TBX15: variants seen among roughly 807,000 people sequenced by gnomAD.
TBX15 encodes the protein T-box transcription factor TBX15.
TBX15 carries 18 observed loss-of-function variants against 53.9 expected under a neutral mutation model. That is an observed-to-expected ratio of 0.33 (90% CI 0.23 to 0.49). TBX15 has a LOEUF of 0.49. Ranked by LOEUF, TBX15 falls within the 20% of genes least tolerant of loss-of-function variation. The pLI is 0.98. For missense variants in TBX15, 692 were observed against 749.5 expected (o/e 0.92, Z 0.90); for synonymous variants, 295 against 278.0 (o/e 1.06, Z -0.61).
At chr1:118,896,989 TAATTC>T (rs1178258110) in intron 7 of TBX15, among the ~76,000 whole-genome samples, 1 of 152,160 alleles carries the variant, frequency 6.6e-6, no homozygotes, top group Non-Finnish European at 1.5e-5. Context: ...ATGTATCCAA[TAATTC>T]AAGTTCTTTC....
At chr1:118,958,717 G>A (rs1656773066) in intron 1 of TBX15, among the ~76,000 whole-genome samples, 1 of 152,008 alleles carries the variant, frequency 6.6e-6, no homozygotes, top group African/African-American at 2.4e-5. Context: ...CATGGTTCCT[G>A]GGACTGCATT....
chr1:118,930,714 C>G (rs989617764), intron 2 of TBX15, among the ~76,000 whole-genome samples: 12 of 152,344 alleles, frequency 7.9e-5, no homozygotes, highest in African/African-American at 2.2e-4. Flanking sequence ...CCGTGCCCGG[C>G]CCAAATTTAA....
intron 5 of TBX15, among the ~76,000 whole-genome samples, chr1:118,917,748 C>G (rs1571172585): frequency 6.6e-6 from 1 of 152,150 alleles, no homozygotes; most frequent in African/African-American, 2.4e-5. Flanking sequence ...CCTGTACAAT[C>G]TCTTCTCTAT....
rs397976022 is a variant in TBX15 at position 118,889,802 on chromosome 1, T to TAA, written c.1025-4288_1025-4287dup. Among the ~76,000 whole-genome samples the TAA allele has an allele frequency of 9.3e-3, 1,374 of 148,200 alleles. 20 individuals are homozygous for TAA. The highest frequency in any genetic ancestry group is 0.031 in the African/African-American group (1,258 of 41,006). ...TGTATCTGGCACATAGGCATTAATT[T>TAA]AAAAAAAAAAAATTTAGTAGAGATA... On this transcript the variant is annotated intron_variant, in intron 7 of 7. Transcript: ENST00000369429.
At chr1:118,901,005 G>A (rs1654611207) in intron 6 of TBX15, among the ~76,000 whole-genome samples, 1 of 152,114 alleles carries the variant, frequency 6.6e-6, no homozygotes, top group Non-Finnish European at 1.5e-5. Context: ...ACAAAGAACA[G>A]TCCCTTCTCA....
rs188949059 is a variant in TBX15, at chr1:118,965,981, G to A, written c.205+21610C>T. ...AGAGTGGTTATCCTGGGATAAGCTCGGAAACTAGGGATGGGAGATTGCTCT... is the reference window on the plus strand; with the variant it reads ...AGAGTGGTTATCCTGGGATAAGCTCAGAAACTAGGGATGGGAGATTGCTCT... On this transcript the variant is annotated intron_variant, in intron 1 of 7. Coordinates refer to ENST00000369429, the MANE Select transcript of TBX15 (RefSeq NM_001330677.2). 3.5e-4 allele frequency among the ~76,000 whole-genome samples: 54 copies of A among 152,256 alleles called. 1 individual carries two copies. Among genetic ancestry groups the A allele is most frequent in the African/African-American group, 9.4e-4 (39 of 41,544 alleles).
intron 1 of TBX15, among the ~76,000 whole-genome samples, chr1:118,982,799 T>G (rs925536548): frequency 6.6e-6 from 1 of 152,226 alleles, no homozygotes; most frequent in African/African-American, 2.4e-5. Flanking sequence ...TTTAAGAAAT[T>G]TAATTCTCCC....
chr1:118,893,259 AAAGAAAGGAAGAAGGAAGGAAGGAAGG>A (rs1654216177), intron 7 of TBX15, among the ~76,000 whole-genome samples: 1 of 129,852 alleles, frequency 7.7e-6, no homozygotes, highest in Non-Finnish European at 1.6e-5. Flanking sequence ...AGAAAGGAAG[AAAGAAAGGAAGAAGGAAGGAAGGAAGG>A]AAGGAAGGAA....
chr1:118,987,262 G>C (rs1448577827), intron 1 of TBX15, among the ~76,000 whole-genome samples: 1 of 152,120 alleles, frequency 6.6e-6, no homozygotes, highest in Non-Finnish European at 1.5e-5. Context: ...CGTTGCCTTC[G>C]GCCCGCGCCC....
rs1653826809 is a variant in TBX15 at position 118,884,016 on chromosome 1, GA to G, written c.*715del. The G allele has an allele frequency of 6.5e-6, 1 of 152,888 alleles. No individual in the cohort carries two copies. The highest frequency in any genetic ancestry group is 2.4e-5 in the African/African-American group (1 of 41,398). 9.5% of individuals were successfully genotyped at this position (152,888 alleles called of 1,614,324 possible). On this transcript the variant is annotated 3_prime_UTR_variant, in exon 8 of 8. Transcript: ENST00000369429. ...TCCCTCTTTCCACGGGCACCACTGG[GA>G]ATATCAATGATAGCATACAAGTGAA...
intron 1 of TBX15, among the ~76,000 whole-genome samples, chr1:118,946,939 C>T (rs1571197148): frequency 6.6e-6 from 1 of 152,294 alleles, no homozygotes; most frequent in East Asian, 1.9e-4. Flanking sequence ...GCACAGGAAC[C>T]CCAAGCTTAC....
At chr1:118,974,199 G>C (rs1657344087) in intron 1 of TBX15, among the ~76,000 whole-genome samples, 1 of 152,204 alleles carries the variant, frequency 6.6e-6, no homozygotes, top group African/African-American at 2.4e-5. Flanking sequence ...CCTTAGGAAA[G>C]GAAATGGACC....
chr1:118,933,878 A>T (rs1469333045), intron 1 of TBX15, among the ~76,000 whole-genome samples: 3 of 152,202 alleles, frequency 2.0e-5, no homozygotes, highest in South Asian at 2.1e-4. Flanking sequence ...AAAGTGCCAC[A>T]ATTACAAAAA....
At chr1:118,890,869 C>T (rs1355639266) in intron 7 of TBX15, 9 of 1,302,496 alleles carry the variant, frequency 6.9e-6, no homozygotes, top group Admixed American at 4.6e-5. Flanking sequence ...GTAATTACTT[C>T]GTTCCATGAG....
intron 5 of TBX15, among the ~76,000 whole-genome samples, chr1:118,918,040 A>G (rs1655305928): frequency 6.6e-6 from 1 of 152,182 alleles, no homozygotes; most frequent in South Asian, 2.1e-4. Flanking sequence ...ACCAAATTTG[A>G]AATGCTCATT....
At chr1:118,952,531 G>T (rs1656548770) in intron 1 of TBX15, among the ~76,000 whole-genome samples, 1 of 152,136 alleles carries the variant, frequency 6.6e-6, no homozygotes, top group African/African-American at 2.4e-5. Context: ...CCCTCACTGA[G>T]TGTCAACAGT....
chr1:118,894,283 A>G (rs1025497589), intron 7 of TBX15, among the ~76,000 whole-genome samples: 1 of 152,208 alleles, frequency 6.6e-6, no homozygotes, highest in African/African-American at 2.4e-5. Context: ...TTGAACACTC[A>G]GTAAATCCTA....
chr1:118,924,495 A>G (rs1655528852), intron 4 of TBX15, 151 bp downstream of exon 4: 16 of 938,186 alleles, frequency 1.7e-5, no homozygotes, highest in Non-Finnish European at 2.5e-5. Context: ...ATTTAACTGG[A>G]AAAAAACACT....
At chr1:118,935,943 T>G (rs1383059517) in intron 1 of TBX15, among the ~76,000 whole-genome samples, 6 of 152,176 alleles carry the variant, frequency 3.9e-5, no homozygotes, top group Non-Finnish European at 7.4e-5. Context: ...TGTACTAGAA[T>G]GCACATCTTC....
Sources: gnomAD v4.1 joint callset for allele counts (sites outside exome capture counted in the v4.1 genomes callset) on GRCh38, gnomAD v4.1.1 for gene constraint, MANE v1.5 for transcripts, NCBI Gene and HGNC (gene_info 2026-07-23, HGNC 2026-07-21) for gene names.